Variants in KITLG observed in about 807,000 individuals in gnomAD.
The protein encoded by KITLG is KIT ligand.
A neutral mutation model predicts 34.1 loss-of-function variants in KITLG; 13 were observed. The observed-to-expected ratio is 0.38, with a 90% CI of 0.25 to 0.61. KITLG has a LOEUF of 0.61. Among genes scored for constraint, KITLG ranks in the 20% least tolerant of loss-of-function variants. KITLG has a pLI of 0.60. For synonymous variants in KITLG, 110 were observed against 104.0 expected (o/e 1.06, Z -0.35); for missense variants, 292 against 318.9 (o/e 0.92, Z 0.64).
chr12:88,561,580 T>C (rs1488216515), intron 1 of KITLG, among the ~76,000 whole-genome samples: 2 of 152,220 alleles, frequency 1.3e-5, no homozygotes. Context: ...CAATAGTATC[T>C]TCTTCTGGGA....
intron 1 of KITLG, among the ~76,000 whole-genome samples, chr12:88,551,804 A>G (rs1870924510): frequency 6.6e-6 from 1 of 152,188 alleles, no homozygotes; most frequent in African/African-American, 2.4e-5. Context: ...ATCACCACAC[A>G]TGGCAAAATG....
At chr12:88,534,220 C>G (rs928708828) in intron 2 of KITLG, among the ~76,000 whole-genome samples, 4 of 152,108 alleles carry the variant, frequency 2.6e-5, no homozygotes, top group African/African-American at 4.8e-5. Flanking sequence ...GAACTCAGGT[C>G]CCTGGAGAGA....
At chr12:88,521,203 T>C (rs1290055712) in intron 3 of KITLG, among the ~76,000 whole-genome samples, 1 of 152,174 alleles carries the variant, frequency 6.6e-6, no homozygotes, top group African/African-American at 2.4e-5. Context: ...CTTGAGTTTA[T>C]TAAAGATAAA....
intron 1 of KITLG, among the ~76,000 whole-genome samples, chr12:88,577,582 A>G (rs1466277498): frequency 6.6e-6 from 1 of 152,204 alleles, no homozygotes; most frequent in East Asian, 1.9e-4. Context: ...TCTAAGCCCA[A>G]GCCACAAACA....
rs1321266709 is a variant in KITLG at position 88,496,763 on chromosome 12, T to A, written c.*456A>T. 2 of 153,214 alleles carry A rather than the reference T, an allele frequency of 1.3e-5. No homozygotes were observed. Among genetic ancestry groups the A allele is most frequent in the African/African-American group, 4.8e-5 (2 of 41,448 alleles). The allele number at this position is 153,214 out of a possible 1,614,324, so 9.5% of individuals were successfully genotyped here. A position where few individuals can be genotyped will look rare whatever the true frequency, so the allele number is the denominator to read the frequency against. On this transcript the variant is annotated 3_prime_UTR_variant, in exon 10 of 10. Transcript: ENST00000644744. ...TTTTTCCAGATCCCTTTGAGAAAAATTGTTACCCTCACTATCCAAGCTGAA... is the reference window on the plus strand; with the variant it reads ...TTTTTCCAGATCCCTTTGAGAAAAAATGTTACCCTCACTATCCAAGCTGAA...
chr12:88,533,216 G>A (rs183987951), intron 2 of KITLG, among the ~76,000 whole-genome samples: 76 of 152,208 alleles, frequency 5.0e-4, no homozygotes, highest in African/African-American at 1.8e-3. Context: ...TTTAAATAAC[G>A]TCTGACTTAC....
At chr12:88,521,160 GT>G (rs1397223417) in intron 3 of KITLG, among the ~76,000 whole-genome samples, 7 of 151,986 alleles carry the variant, frequency 4.6e-5, no homozygotes, top group African/African-American at 1.4e-4. Context: ...TCAGTAATTT[GT>G]TTAACCATGT....
Position 88,531,895 on chromosome 12 carries a change from C to T in KITLG, c.192+546G>A, listed in dbSNP as rs141480256. On this transcript the variant is annotated intron_variant, in intron 3 of 9. Coordinates refer to ENST00000644744, the MANE Select transcript of KITLG (RefSeq NM_000899.5). ...AGCAAATTTTAAAAGCAGAGCATAA[C>T]AATGATTTATGTAATATAGGCATTA... Among the ~76,000 whole-genome samples, 304 of 152,008 alleles carry T rather than the reference C, an allele frequency of 2.0e-3. 1 individual carries two copies. The highest frequency in any genetic ancestry group is 7.0e-3 in the African/African-American group (289 of 41,472).
At chr12:88,563,798 T>A (rs1162945807) in intron 1 of KITLG, among the ~76,000 whole-genome samples, 1 of 151,990 alleles carries the variant, frequency 6.6e-6, no homozygotes, top group Non-Finnish European at 1.5e-5. Flanking sequence ...CCACCTCTAC[T>A]AAAAATACAA....
chr12:88,534,868 C>T (rs1450863441), intron 2 of KITLG: 4 of 339,472 alleles, frequency 1.2e-5, no homozygotes, highest in African/African-American at 8.9e-5. Context: ...TTTATGTAAA[C>T]CCTAGTGACA....
intron 7 of KITLG, 77 bp from the exon 8 acceptor site, chr12:88,506,455 T>A (rs1464308528): frequency 2.1e-6 from 2 of 959,744 alleles, no homozygotes; most frequent in East Asian, 4.8e-5. Flanking sequence ...TGGACTCCAC[T>A]TTTATCTTTT....
chr12:88,534,027 C>T (rs755928900), intron 2 of KITLG, among the ~76,000 whole-genome samples: 1 of 152,102 alleles, frequency 6.6e-6, no homozygotes, highest in Non-Finnish European at 1.5e-5. Context: ...GTGTCTAACA[C>T]GTATCAAATA....
At chr12:88,508,085 G>T (rs1029364715) in intron 6 of KITLG, among the ~76,000 whole-genome samples, 54 of 152,104 alleles carry the variant, frequency 3.6e-4, no homozygotes, top group Admixed American at 3.4e-3. Context: ...TACTACGGAG[G>T]CTGAGGCAGG....
intron 9 of KITLG, among the ~76,000 whole-genome samples, chr12:88,501,852 G>A (rs1479196156): frequency 6.6e-6 from 1 of 151,872 alleles, no homozygotes; most frequent in Non-Finnish European, 1.5e-5. Context: ...TCAACAAATA[G>A]TTATTCATCA....
intron 4 of KITLG, among the ~76,000 whole-genome samples, chr12:88,518,063 A>G (rs1869516441): frequency 6.6e-6 from 1 of 152,112 alleles, no homozygotes; most frequent in Non-Finnish European, 1.5e-5. Flanking sequence ...ATGGCAAATA[A>G]CCTAACGTCG....
intron 6 of KITLG, among the ~76,000 whole-genome samples, chr12:88,513,145 T>C (rs1427542102): frequency 6.6e-6 from 1 of 151,676 alleles, no homozygotes; most frequent in African/African-American, 2.4e-5. Context: ...AAAAGATGGG[T>C]ATGGGTAAAT....
chr12:88,501,038 C>G (rs140581438), intron 9 of KITLG, among the ~76,000 whole-genome samples: 2 of 152,266 alleles, frequency 1.3e-5, no homozygotes, highest in East Asian at 1.9e-4. Flanking sequence ...CCTCAGCCCC[C>G]CAAGGTACTG....
intron 1 of KITLG, among the ~76,000 whole-genome samples, chr12:88,574,794 C>A (rs2120992144): frequency 6.6e-6 from 1 of 152,278 alleles, no homozygotes; most frequent in East Asian, 1.9e-4. Context: ...CTCTGGTTAG[C>A]TGACTTTATC....
chr12:88,518,226 T>C (rs565352648), intron 4 of KITLG, among the ~76,000 whole-genome samples: 4 of 152,110 alleles, frequency 2.6e-5, no homozygotes, highest in African/African-American at 4.8e-5. Flanking sequence ...GCCTATTCCA[T>C]ATGTCATGCC....
Sources: allele counts gnomAD v4.1 joint callset (sites outside exome capture counted in the v4.1 genomes callset), GRCh38; gene constraint gnomAD v4.1.1; transcripts MANE v1.5; gene names NCBI Gene and HGNC (gene_info 2026-07-23, HGNC 2026-07-21).